Variants in XRCC5 observed in about 807,000 individuals in gnomAD.
The protein encoded by XRCC5 is DNA repair protein Ku80.
Under a neutral mutation model 95.7 loss-of-function variants are expected in XRCC5, and 12 were observed. The ratio of observed to expected loss-of-function variants is 0.13; its 90% confidence interval spans 0.08 to 0.20. The LOEUF (loss-of-function observed/expected upper bound fraction) is 0.20, where lower values mean the gene tolerates loss of function less well. Ranked by LOEUF, XRCC5 falls within the 10% of genes least tolerant of loss-of-function variation. The pLI, the probability that XRCC5 is intolerant of heterozygous loss-of-function variation, is 1.00. For missense variants in XRCC5, 595 were observed against 873.9 expected (o/e 0.68, Z 4.02); for synonymous variants, 281 against 290.3 (o/e 0.97, Z 0.33).
rs1242025407 is a variant in XRCC5, at chr2:216,206,082, G to C, written c.*880G>C. The C allele has an allele frequency of 6.6e-6, 1 of 152,134 alleles. No homozygotes were observed. Among genetic ancestry groups the C allele is most frequent in the African/African-American group, 2.4e-5 (1 of 41,432 alleles). 9.4% of individuals were successfully genotyped at this position (152,134 alleles called of 1,614,324 possible). ...TACCTAAGTCAGCTTTCATCTTTGTGGATGGTGTCTCCTTTACTAAATAAG... is the reference window on the plus strand; with the variant it reads ...TACCTAAGTCAGCTTTCATCTTTGTCGATGGTGTCTCCTTTACTAAATAAG... On this transcript the variant is annotated 3_prime_UTR_variant, in exon 21 of 21. Transcript: ENST00000392132.
At chr2:216,167,661 T>C (rs560421003) in intron 16 of XRCC5, among the ~76,000 whole-genome samples, 117 of 151,600 alleles carry the variant, frequency 7.7e-4, no homozygotes, top group African/African-American at 2.8e-3. Flanking sequence ...GTATGAATTA[T>C]ATAATGAATT....
At chr2:216,192,534 G>A in intron 17 of XRCC5, 105 bp from the exon 18 acceptor site, 1 of 611,558 alleles carries the variant, frequency 1.6e-6, no homozygotes, top group Non-Finnish European at 2.7e-6. Context: ...TTATTTTTTT[G>A]TAATAAATAA....
chr2:216,136,887 A>T (rs1417941074), intron 10 of XRCC5, among the ~76,000 whole-genome samples: 1 of 152,198 alleles, frequency 6.6e-6, no homozygotes, highest in African/African-American at 2.4e-5. Flanking sequence ...AGTAAGACGG[A>T]TTTAGTTAAT....
intron 2 of XRCC5, among the ~76,000 whole-genome samples, chr2:216,113,611 C>G (rs1696633596): frequency 6.6e-6 from 1 of 152,196 alleles, no homozygotes; most frequent in Non-Finnish European, 1.5e-5. Flanking sequence ...GGGTGATTCT[C>G]TATTGAGGCC....
At chr2:216,123,942 T>G (rs1323302856) in intron 6 of XRCC5, among the ~76,000 whole-genome samples, 1 of 152,254 alleles carries the variant, frequency 6.6e-6, no homozygotes, top group African/African-American at 2.4e-5. Flanking sequence ...GACGCTACTT[T>G]GATTTTAGGT....
intron 13 of XRCC5, among the ~76,000 whole-genome samples, chr2:216,144,474 G>C (rs553235905): frequency 2.1e-4 from 32 of 152,332 alleles, no homozygotes; most frequent in Non-Finnish European, 3.8e-4. Context: ...AGAGAGTGGA[G>C]ACGAGAATCA....
chr2:216,137,179 ATCC>A lies in XRCC5; in HGVS notation c.1208_1210del (p.Pro403del). ...CGATATGCTTATGACAAAAGAGCTA[ATCC>A]TCAAGTCGGCGTGGCTTTTCCTCAT... On this transcript the variant is annotated inframe_deletion, in exon 11 of 21. Transcript: ENST00000392132. 6.2e-7 allele frequency: 1 copy of A among 1,613,748 alleles called. No homozygotes were observed.
At chr2:216,180,488 T>C (rs1689365728) in intron 16 of XRCC5, among the ~76,000 whole-genome samples, 1 of 152,308 alleles carries the variant, frequency 6.6e-6, no homozygotes, top group East Asian at 1.9e-4. Flanking sequence ...CAGTCGTGCA[T>C]GATGGCTTGG....
chr2:216,196,002 A>G (rs963128086), intron 19 of XRCC5, among the ~76,000 whole-genome samples: 5 of 152,146 alleles, frequency 3.3e-5, no homozygotes, highest in Non-Finnish European at 7.4e-5. Context: ...ATACACACTA[A>G]GGGAGAGCTT....
rs1427807058 is a variant in XRCC5 at position 216,116,667 on chromosome 2, T to C, written c.144T>C (p.Ala48=). The part of the protein sequence containing the change: ...ITMFVQRQVF[A]ENKDEIALVL... Reference sequence around the variant, plus strand: ...CTGACATTTTTTTCTAGGTGTTTGCTGAGAACAAGGATGAGATTGCTTTAG... The same window carrying C: ...CTGACATTTTTTTCTAGGTGTTTGCCGAGAACAAGGATGAGATTGCTTTAG... Residue 48 remains alanine (A), a synonymous_variant, in exon 3 of 21, where the codon GCT becomes GCC. Coordinates refer to ENST00000392132, the MANE Select transcript of XRCC5 (RefSeq NM_021141.4). 1.9e-6 allele frequency: 3 copies of C among 1,614,184 alleles called. No individual in the cohort carries two copies. Among genetic ancestry groups the C allele is most frequent in the South Asian group, 1.1e-5 (1 of 91,082 alleles).
At chr2:216,127,491 G>A (rs1460942625) in intron 7 of XRCC5, 45 bp from the exon 8 acceptor site, 3 of 1,552,908 alleles carry the variant, frequency 1.9e-6, no homozygotes, top group South Asian at 1.2e-5. Context: ...CTATCAATTG[G>A]AATCCTAACT....
At chr2:216,127,797 G>T (rs1325340256) in intron 8 of XRCC5, 123 bp downstream of exon 8, 2 of 1,160,948 alleles carry the variant, frequency 1.7e-6, no homozygotes, top group Non-Finnish European at 2.3e-6. Flanking sequence ...AAATATAACA[G>T]TTTGAAAGGA....
At position 216,126,061 on chromosome 2, in the gene XRCC5, A is replaced by G. The variant is rs542508732; in HGVS notation, c.798+30A>G. 2.5e-4 allele frequency: 382 copies of G among 1,554,220 alleles called. 2 individuals are homozygous for G. Among genetic ancestry groups the G allele is most frequent in the South Asian group, 2.2e-3 (200 of 89,706 alleles). Reference sequence around the variant, plus strand: ...GTGGCAGGTACACATTTTTAACAGAAATGTTACCAGGCAGATAAATATGTG... The same window carrying G: ...GTGGCAGGTACACATTTTTAACAGAGATGTTACCAGGCAGATAAATATGTG... On this transcript the variant is annotated intron_variant, in intron 7 of 20. Coordinates refer to ENST00000392132, the MANE Select transcript of XRCC5 (RefSeq NM_021141.4).
At chr2:216,198,523 T>C (rs1250639000) in intron 19 of XRCC5, among the ~76,000 whole-genome samples, 1 of 150,868 alleles carries the variant, frequency 6.6e-6, no homozygotes, top group Non-Finnish European at 1.5e-5. Context: ...ATCCTTTGTA[T>C]GAAAAATGCT....
intron 20 of XRCC5, 70 bp from the exon 21 acceptor site, chr2:216,205,116 CCT>C: frequency 6.3e-7 from 1 of 1,579,150 alleles, no homozygotes; most frequent in South Asian, 1.1e-5. Flanking sequence ...TTCATTAAAC[CCT>C]CTCTCACCAG....
chr2:216,187,811 ACACACACACACT>A (rs1378444641), intron 16 of XRCC5, among the ~76,000 whole-genome samples: 26 of 108,754 alleles, frequency 2.4e-4, no homozygotes, highest in East Asian at 1.9e-3. Flanking sequence ...ACACACACAC[ACACACACACACT>A]CTCTCTCTCT....
intron 1 of XRCC5, chr2:216,111,304 T>TTAAGCCAAGGA: frequency 2.6e-6 from 1 of 389,940 alleles, no homozygotes; most frequent in Non-Finnish European, 5.2e-6. Context: ...GGAGGATTGC[T>TTAAGCCAAGGA]TAAGCCAAGG....
chr2:216,187,765 T>A (rs1334360387), intron 16 of XRCC5, among the ~76,000 whole-genome samples: 1 of 147,280 alleles, frequency 6.8e-6, no homozygotes, highest in Non-Finnish European at 1.5e-5. Context: ...TCTCTTAGTA[T>A]CTGTGATGCC....
intron 14 of XRCC5, among the ~76,000 whole-genome samples, chr2:216,153,687 T>C (rs1688790968): frequency 6.6e-6 from 1 of 152,216 alleles, no homozygotes; most frequent in African/African-American, 2.4e-5. Flanking sequence ...TTGCCCAAGA[T>C]TGTAGTTGGT....
Sources: allele counts gnomAD v4.1 joint callset (sites outside exome capture counted in the v4.1 genomes callset), GRCh38; gene constraint gnomAD v4.1.1; transcripts MANE v1.5; gene names NCBI Gene and HGNC (gene_info 2026-07-23, HGNC 2026-07-21).